The following PRRC2B variants were observed in gnomAD, a reference collection of about 807,000 sequenced individuals.
PRRC2B encodes protein PRRC2B.
In PRRC2B, 68 loss-of-function variants were observed where a neutral mutation model predicts 242.3. The ratio of observed to expected loss-of-function variants is 0.28; its 90% confidence interval spans 0.23 to 0.34. PRRC2B has a LOEUF of 0.34. PRRC2B is among the 10% of genes least tolerant of loss of function. The pLI is 1.00. For missense variants in PRRC2B, 2,835 were observed against 2,954.8 expected, an observed-to-expected ratio of 0.96 and a Z score of 0.94; for synonymous variants, 1,228 against 1,173.6, an observed-to-expected ratio of 1.05 and a Z score of -0.95.
At chr9:131,492,736 G>A (rs886252434) in intron 30 of PRRC2B, among the ~76,000 whole-genome samples, 2 of 152,156 alleles carry the variant, frequency 1.3e-5, no homozygotes, top group African/African-American at 4.8e-5. Context: ...CTACAAACCA[G>A]CACCCTCTTT....
chr9:131,389,149 A>ATTT (rs71501254), upstream of PRRC2B, among the ~76,000 whole-genome samples: 15 of 108,832 alleles, frequency 1.4e-4, no homozygotes, highest in African/African-American at 3.5e-4. Flanking sequence ...GCTCCTTTCA[A>ATTT]TTTTTTTTTT....
chr9:131,424,904 G>C (rs1389318200), intron 1 of PRRC2B, among the ~76,000 whole-genome samples: 1 of 152,176 alleles, frequency 6.6e-6, no homozygotes, highest in Non-Finnish European at 1.5e-5. Flanking sequence ...AGGAATAGTT[G>C]TAGACAGACT....
chr9:131,460,933 G>A (rs1943224327), intron 11 of PRRC2B, among the ~76,000 whole-genome samples: 1 of 152,078 alleles, frequency 6.6e-6, no homozygotes, highest in Non-Finnish European at 1.5e-5. Context: ...CCTCCTCAGC[G>A]GACAGTTGCG....
At chr9:131,444,091 TC>T in intron 5 of PRRC2B, 93 bp from the exon 6 acceptor site, 1 of 1,452,602 alleles carries the variant, frequency 6.9e-7, no homozygotes, top group East Asian at 2.3e-5. Context: ...AAAGCCCACT[TC>T]CAGGCAACAC....
In PRRC2B at chr9:131,474,731, T is replaced by C; in HGVS notation, c.2602T>C (p.Cys868Arg). ...DFVPDEKKPE[C>R]GSWDVSHQPE... Reference sequence around the variant, plus strand: ...TGTCCCAGATGAGAAAAAGCCAGAGTGTGGCAGTTGGGATGTTAGCCACCA... The same window carrying C: ...TGTCCCAGATGAGAAAAAGCCAGAGCGTGGCAGTTGGGATGTTAGCCACCA... Residue 868 changes from cysteine to arginine, a missense_variant, in exon 16 of 32, where the codon TGT becomes CGT. Cys to Arg is a radical substitution (Grantham distance 180, BLOSUM62 -3). Coordinates refer to ENST00000683519, the MANE Select transcript of PRRC2B (RefSeq NM_013318.4). The C allele has an allele frequency of 6.2e-7, 1 of 1,612,106 alleles. No individual in the cohort carries two copies. Among genetic ancestry groups the C allele is most frequent in the South Asian group, 1.1e-5 (1 of 90,806 alleles).
chr9:131,491,602 C>G (rs1409255705), intron 29 of PRRC2B, 22 bp downstream of exon 29: 4 of 1,594,378 alleles, frequency 2.5e-6, no homozygotes, highest in Non-Finnish European at 3.4e-6. Flanking sequence ...CCATCTGCCT[C>G]TGACCCTAGG....
At chr9:131,376,389 T>C (rs534853951) in intron 1 of PRRC2B, among the ~76,000 whole-genome samples, 1 of 149,948 alleles carries the variant, frequency 6.7e-6, no homozygotes, top group Admixed American at 6.7e-5. Flanking sequence ...ATAACATGCA[T>C]GTAGCATGCT....
chr9:131,408,058 C>T (rs928590880), intron 1 of PRRC2B, among the ~76,000 whole-genome samples: 2 of 152,188 alleles, frequency 1.3e-5, no homozygotes, highest in African/African-American at 2.4e-5. Context: ...CCTAATCCGC[C>T]TCCTGCAGCT....
chr9:131,469,786 A>G (rs1943489932), intron 13 of PRRC2B, among the ~76,000 whole-genome samples: 1 of 152,228 alleles, frequency 6.6e-6, no homozygotes, highest in African/African-American at 2.4e-5. Context: ...TGAGTCAGGC[A>G]AGGGCCTTGA....
In PRRC2B at chr9:131,496,027, G is replaced by A. The variant is rs1000770381; in HGVS notation, c.*153G>A. The A allele has an allele frequency of 2.2e-5, 24 of 1,070,326 alleles. No homozygotes were observed. Among genetic ancestry groups the A allele is most frequent in the Non-Finnish European group, 2.9e-5 (22 of 762,036 alleles). 66.3% of individuals were successfully genotyped at this position (1,070,326 alleles called of 1,614,324 possible). Reference sequence around the variant, plus strand: ...CCTCCTCTCCACTCCCGAAAGCTCCGTTGTCAACCAGCTTGCACCCGTGGA... The same window carrying A: ...CCTCCTCTCCACTCCCGAAAGCTCCATTGTCAACCAGCTTGCACCCGTGGA... On this transcript the variant is annotated 3_prime_UTR_variant, in exon 32 of 32. Coordinates refer to ENST00000683519, the MANE Select transcript of PRRC2B (RefSeq NM_013318.4).
At chr9:131,428,348 G>C (rs1400582774) in intron 1 of PRRC2B, among the ~76,000 whole-genome samples, 1 of 152,038 alleles carries the variant, frequency 6.6e-6, no homozygotes, top group Non-Finnish European at 1.5e-5. Context: ...AGCCTCCTAA[G>C]TACCTGGGGC....
At chr9:131,393,794 G>T (rs915604912), upstream of PRRC2B, among the ~76,000 whole-genome samples, 1 of 151,158 alleles carries the variant, frequency 6.6e-6, no homozygotes. Flanking sequence ...CCTCCTCCGG[G>T]TCTCCTCCCC....
chr9:131,421,418 C>A lies in PRRC2B; in HGVS notation c.-51-8676C>A, dbSNP rs145889401. Among the ~76,000 whole-genome samples the A allele has an allele frequency of 9.2e-5, 14 of 152,340 alleles. No individual in the cohort carries two copies. The East Asian group carries it at 2.7e-3, about 29-fold the overall frequency. ...GTGATGGTTCTTGGCTGAGACTTAA[C>A]AAGTAAACTGTCCAGTGGCCACGTC... On this transcript the variant is annotated intron_variant, in intron 1 of 31. Transcript: ENST00000683519.
intron 13 of PRRC2B, among the ~76,000 whole-genome samples, chr9:131,468,046 CT>C (rs1422172552): frequency 1.3e-5 from 2 of 152,210 alleles, no homozygotes; most frequent in Non-Finnish European, 2.9e-5. Context: ...CTATTCAGTG[CT>C]GTTTGCAGTG....
chr9:131,467,844 C>G, intron 13 of PRRC2B, 91 bp downstream of exon 13: 1 of 1,360,676 alleles, frequency 7.3e-7, no homozygotes, highest in Non-Finnish European at 1.0e-6. Context: ...CCACCTCCAA[C>G]TTAGAAAAAG....
chr9:131,405,228 G>T (rs1218370021), intron 1 of PRRC2B, among the ~76,000 whole-genome samples: 1 of 152,180 alleles, frequency 6.6e-6, no homozygotes, highest in East Asian at 1.9e-4. Context: ...AGTTGCTCTG[G>T]GTGTCTTGTT....
chr9:131,408,806 G>A (rs1837433502), intron 1 of PRRC2B, among the ~76,000 whole-genome samples: 1 of 149,210 alleles, frequency 6.7e-6, no homozygotes, highest in African/African-American at 2.5e-5. Flanking sequence ...TGCAGCCTCC[G>A]CCTCCTGGGT....
intron 1 of PRRC2B, among the ~76,000 whole-genome samples, chr9:131,404,915 AGT>A (rs1203011898): frequency 3.3e-5 from 5 of 152,352 alleles, no homozygotes; most frequent in South Asian, 2.1e-4. Context: ...TAAGCATGTA[AGT>A]GTGAGAATGT....
At chr9:131,458,607 C>A (rs1427945005) in intron 10 of PRRC2B, among the ~76,000 whole-genome samples, 1 of 151,878 alleles carries the variant, frequency 6.6e-6, no homozygotes, top group Non-Finnish European at 1.5e-5. Flanking sequence ...GGGGTTCAAG[C>A]ACTTCTCCCA....
Sources: gnomAD v4.1 joint callset for allele counts (sites outside exome capture counted in the v4.1 genomes callset) on GRCh38, gnomAD v4.1.1 for gene constraint, MANE v1.5 for transcripts, NCBI Gene and HGNC (gene_info 2026-07-23, HGNC 2026-07-21) for gene names.